The following ZMAT3 variants were observed in gnomAD, a reference collection of about 807,000 sequenced individuals.
ZMAT3 encodes the protein zinc finger matrin-type 3, also known as zinc finger matrin-type protein 3.
ZMAT3 carries 17 observed loss-of-function variants against 32.3 expected under a neutral mutation model. The ratio of observed to expected loss-of-function variants is 0.53; its 90% CI spans 0.36 to 0.79. The LOEUF (loss-of-function observed/expected upper bound fraction) is 0.79. ZMAT3 is among the 30% of genes least tolerant of loss of function. ZMAT3 has a pLI of 0.00. For synonymous variants in ZMAT3, 120 were observed against 133.1 expected, an observed-to-expected ratio of 0.90 and a Z score of 0.68; for missense variants, 329 against 359.7, an observed-to-expected ratio of 0.91 and a Z score of 0.69.
chr3:179,058,980 G>A (rs1394070354), intron 2 of ZMAT3, among the ~76,000 whole-genome samples: 11 of 152,048 alleles, frequency 7.2e-5, no homozygotes, highest in Non-Finnish European at 4.4e-5. Flanking sequence ...TGCCTATGTA[G>A]CAATATGCAG....
At chr3:179,040,594 G>GAAAA (rs150277750) in intron 2 of ZMAT3, among the ~76,000 whole-genome samples, 3 of 151,774 alleles carry the variant, frequency 2.0e-5, no homozygotes, top group Admixed American at 2.0e-4. Flanking sequence ...ACTAAACATA[G>GAAAA]AAACAACCGG....
At chr3:179,030,479 C>T (rs913693166) in intron 3 of ZMAT3, among the ~76,000 whole-genome samples, 2 of 151,864 alleles carry the variant, frequency 1.3e-5, no homozygotes, top group African/African-American at 4.8e-5. Context: ...CTCAGCCTCC[C>T]GAGCAGCTGG....
intron 4 of ZMAT3, 27 bp from the exon 5 acceptor site, chr3:179,027,550 T>C (rs768607676): frequency 6.2e-7 from 1 of 1,613,910 alleles, no homozygotes; most frequent in South Asian, 1.1e-5. Context: ...TAAAAAAGAG[T>C]GAGTCTTCTA....
At chr3:179,061,254 G>A (rs1402503728) in intron 2 of ZMAT3, among the ~76,000 whole-genome samples, 1 of 152,184 alleles carries the variant, frequency 6.6e-6, no homozygotes, top group Non-Finnish European at 1.5e-5. Context: ...GGAGCAAGGA[G>A]ATAGAGGGAT....
intron 1 of ZMAT3, among the ~76,000 whole-genome samples, chr3:179,068,090 AT>A (rs1298950616): frequency 6.6e-6 from 1 of 152,208 alleles, no homozygotes; most frequent in Non-Finnish European, 1.5e-5. Context: ...ACAGCATTGC[AT>A]CCACGGCTAA....
chr3:179,048,646 A>G (rs1189770220), intron 2 of ZMAT3, among the ~76,000 whole-genome samples: 3 of 152,222 alleles, frequency 2.0e-5, no homozygotes, highest in Admixed American at 6.5e-5. Context: ...CAGCATTACA[A>G]GAACTACTAA....
At chr3:179,033,663 A>G (rs554956456) in intron 2 of ZMAT3, among the ~76,000 whole-genome samples, 97 of 152,328 alleles carry the variant, frequency 6.4e-4, no homozygotes, top group African/African-American at 1.9e-3. Flanking sequence ...CTCTGATCTA[A>G]TGTACTTTAT....
chr3:179,049,014 G>T (rs1348752317), intron 2 of ZMAT3, among the ~76,000 whole-genome samples: 1 of 152,166 alleles, frequency 6.6e-6, no homozygotes, highest in Non-Finnish European at 1.5e-5. Flanking sequence ...AAGTGAGCAG[G>T]AGTAGCTATT....
intron 2 of ZMAT3, among the ~76,000 whole-genome samples, chr3:179,036,744 G>C (rs1344845700): frequency 6.6e-6 from 1 of 152,110 alleles, no homozygotes; most frequent in Non-Finnish European, 1.5e-5. Context: ...GTGGCTTAGT[G>C]ACAGCAACTG....
intron 2 of ZMAT3, among the ~76,000 whole-genome samples, chr3:179,055,444 A>C (rs1720785406): frequency 6.6e-6 from 1 of 152,072 alleles, no homozygotes; most frequent in Admixed American, 6.5e-5. Context: ...CCCTACAGGA[A>C]GCCCTCAGAG....
At chr3:179,054,008 A>G (rs990460019) in intron 2 of ZMAT3, among the ~76,000 whole-genome samples, 4 of 152,256 alleles carry the variant, frequency 2.6e-5, no homozygotes, top group African/African-American at 9.6e-5. Context: ...ACTATACTGT[A>G]GTTATGTAAA....
chr3:179,032,840 G>A (rs1305356201), intron 2 of ZMAT3, among the ~76,000 whole-genome samples: 5 of 150,432 alleles, frequency 3.3e-5, no homozygotes, highest in South Asian at 2.1e-4. Flanking sequence ...GAGCGTCTCC[G>A]CCCGGCAGCC....
intron 2 of ZMAT3, 71 bp from the exon 3 acceptor site, chr3:179,031,070 G>A (rs1262693996): frequency 7.5e-7 from 1 of 1,328,708 alleles, no homozygotes; most frequent in Non-Finnish European, 1.0e-6. Context: ...AGTTAGCTAT[G>A]GTCAACTGTG....
intron 2 of ZMAT3, among the ~76,000 whole-genome samples, chr3:179,036,414 G>T (rs1320039963): frequency 6.6e-6 from 1 of 152,144 alleles, no homozygotes; most frequent in Admixed American, 6.5e-5. Flanking sequence ...GGTATTTAAA[G>T]CTATGGAGCC....
chr3:179,029,409 C>CA (rs779232033), intron 3 of ZMAT3, among the ~76,000 whole-genome samples: 12 of 151,670 alleles, frequency 7.9e-5, no homozygotes, highest in Admixed American at 1.3e-4. Flanking sequence ...AATGGAGCAT[C>CA]AAAAAAAACT....
chr3:179,061,366 G>A (rs1721143834), intron 2 of ZMAT3, among the ~76,000 whole-genome samples: 1 of 152,006 alleles, frequency 6.6e-6, no homozygotes, highest in African/African-American at 2.4e-5. Flanking sequence ...AAAAAGAGGG[G>A]AGAAGAAAAG....
In ZMAT3 at chr3:179,023,710, A is replaced by ATATATATATATATATATATT. The variant is rs1553798348; in HGVS notation, c.*1306_*1307insAATATATATATATATATATA. ...GGAAAATATATCTATATATATATATATTTTTTTTTTTTTTTTTTTTTTTTT... is the reference window on the plus strand; with the variant it reads ...GGAAAATATATCTATATATATATATATATATATATATATATATATTTTTTTTTTTTTTTTTTTTTTTTTTT... On this transcript the variant is annotated 3_prime_UTR_variant, in exon 6 of 6. Transcript: ENST00000311417. 2 of 25,060 alleles carry ATATATATATATATATATATT rather than the reference A, an allele frequency of 8.0e-5. No homozygotes were observed. The highest frequency in any genetic ancestry group is 5.4e-4 in the African/African-American group (2 of 3,684). 1.6% of individuals were successfully genotyped at this position (25,060 alleles called of 1,614,324 possible).
At chr3:179,032,653 G>A (rs868681828) in intron 2 of ZMAT3, among the ~76,000 whole-genome samples, 2 of 138,990 alleles carry the variant, frequency 1.4e-5, no homozygotes, top group Non-Finnish European at 3.1e-5. Flanking sequence ...GCCCGGCCGC[G>A]ACCCCGTCTG....
intron 2 of ZMAT3, among the ~76,000 whole-genome samples, chr3:179,032,138 G>A (rs538118990): frequency 2.7e-5 from 4 of 149,558 alleles, no homozygotes; most frequent in South Asian, 2.2e-4. Context: ...GAGTGCCTGC[G>A]ATTGCAGGTG....
Sources: gnomAD v4.1 joint callset for allele counts (sites outside exome capture counted in the v4.1 genomes callset) on GRCh38, gnomAD v4.1.1 for gene constraint, MANE v1.5 for transcripts, NCBI Gene and HGNC (gene_info 2026-07-23, HGNC 2026-07-21) for gene names.